Variants in MDM1 observed in about 807,000 individuals in gnomAD.
MDM1 encodes stabilizer of axonemal microtubules 6.
Under a neutral mutation model 89.1 loss-of-function variants are expected in MDM1, and 61 were observed. The ratio of observed to expected loss-of-function variants is 0.68; its 90% confidence interval spans 0.56 to 0.85. MDM1 has a LOEUF of 0.85. MDM1 is among the 40% of genes least tolerant of loss of function. The pLI is 0.00. For missense variants in MDM1, 820 were observed against 846.5 expected (o/e 0.97, Z 0.39); for synonymous variants, 290 against 294.1 (o/e 0.99, Z 0.14).
At chr12:68,312,895 C>T (rs911769501) in intron 12 of MDM1, among the ~76,000 whole-genome samples, 2 of 152,174 alleles carry the variant, frequency 1.3e-5, no homozygotes, top group East Asian at 1.9e-4. Flanking sequence ...TTCCCAGATC[C>T]GCATACAGGT....
At chr12:68,303,975 T>G (rs1592949122) in intron 12 of MDM1, among the ~76,000 whole-genome samples, 1 of 152,236 alleles carries the variant, frequency 6.6e-6, no homozygotes, top group East Asian at 1.9e-4. Flanking sequence ...CACTGGCTCA[T>G]GCCTGTAATC....
chr12:68,327,157 C>A (rs550691485), intron 2 of MDM1, 136 bp from the exon 3 acceptor site: 4 of 1,395,930 alleles, frequency 2.9e-6, no homozygotes, highest in African/African-American at 2.9e-5. Flanking sequence ...CACACAATAT[C>A]CTTCAGATTA....
intron 4 of MDM1, 27 bp from the exon 5 acceptor site, chr12:68,323,267 G>T: frequency 1.3e-6 from 2 of 1,498,972 alleles, no homozygotes; most frequent in South Asian, 1.3e-5. Flanking sequence ...TTTTAGTTTA[G>T]TTTTGTTGAT....
At chr12:68,323,620 G>A (rs1875546421) in intron 4 of MDM1, among the ~76,000 whole-genome samples, 1 of 151,790 alleles carries the variant, frequency 6.6e-6, no homozygotes, top group Non-Finnish European at 1.5e-5. Flanking sequence ...TACCCAATAT[G>A]TTCAATTTGT....
Position 68,295,201 on chromosome 12 carries a change from A to T in MDM1, c.*53T>A. 1 of 1,193,500 alleles carries T rather than the reference A, an allele frequency of 8.4e-7. No individual in the cohort carries two copies. Among genetic ancestry groups the T allele is most frequent in the Non-Finnish European group, 1.2e-6 (1 of 829,312 alleles). The allele number at this position is 1,193,500 out of a possible 1,614,324, so 73.9% of individuals were successfully genotyped here. ...CTCAAAAAATTTTAACACAGTAAGC[A>T]ATAAAGAAAAATTATGCCAATGTTT... On this transcript the variant is annotated 3_prime_UTR_variant, in exon 15 of 15. Coordinates refer to ENST00000682720, the MANE Select transcript of MDM1 (RefSeq NM_001354969.2).
intron 2 of MDM1, 103 bp from the exon 3 acceptor site, chr12:68,327,124 T>A: frequency 6.9e-7 from 1 of 1,445,840 alleles, no homozygotes; most frequent in Non-Finnish European, 9.1e-7. Context: ...TAAATTTAGT[T>A]CAGATATATG....
Position 68,315,001 on chromosome 12 carries a change from C to T in MDM1, c.1476G>A (p.Glu492=), listed in dbSNP as rs765384951. The T allele has an allele frequency of 5.0e-6, 8 of 1,614,164 alleles. No individual in the cohort carries two copies. The South Asian group carries it at 6.6e-5, about 13-fold the overall frequency. ...RKTGKQAFMG[E]QEKLDVREKS... ...TCTCACGTACATCCAACTTCTCTTG[C>T]TCTCCCATAAAAGCCTGCTTGCCCG... is the stretch of plus-strand genomic sequence containing the variant. The change falls in exon 10 of 15, where the codon GAG becomes GAA. Residue 492 remains glutamate (E), a synonymous_variant. Transcript: ENST00000682720.
intron 8 of MDM1, 49 bp from the exon 9 acceptor site, chr12:68,316,302 C>T: frequency 6.5e-7 from 1 of 1,532,472 alleles, no homozygotes; most frequent in South Asian, 1.2e-5. Context: ...TGCTTCTTTA[C>T]AAACAGCACC....
chr12:68,326,486 C>T lies in MDM1; in HGVS notation c.498+171G>A, dbSNP rs768775634. 2.0e-6 allele frequency: 3 copies of T among 1,517,764 alleles called. No homozygotes were observed. The East Asian group carries it at 7.3e-5, about 37-fold the overall frequency. 94.0% of individuals were successfully genotyped at this position (1,517,764 alleles called of 1,614,324 possible). ...AAAATAGCGAGTAGTCAGAATAGAA[C>T]TAATTCACAATAACTAAAGTCAACA... On this transcript the variant is annotated intron_variant, in intron 3 of 14. Coordinates refer to ENST00000682720, the MANE Select transcript of MDM1 (RefSeq NM_001354969.2).
rs547214780 is a variant in MDM1, at chr12:68,332,289, A to C, written c.-44T>G. On this transcript the variant is annotated 5_prime_UTR_variant, in exon 1 of 15. Transcript: ENST00000682720. ...CCCCGCTACTCCGACAGTTAACTGG[A>C]GAAAAAGCTCCGAGGGGGCGGGGCG... 1 of 1,566,810 alleles carries C rather than the reference A, an allele frequency of 6.4e-7. No individual in the cohort carries two copies. The highest frequency in any genetic ancestry group is 8.6e-7 in the Non-Finnish European group (1 of 1,157,174).
intron 2 of MDM1, 32 bp downstream of exon 2, chr12:68,331,075 G>T: frequency 7.9e-7 from 1 of 1,266,628 alleles, no homozygotes; most frequent in African/African-American, 1.5e-5. Context: ...ACTTAGCCCA[G>T]GTTAGAATGG....
chr12:68,324,697 C>T (rs1030527275), intron 4 of MDM1, among the ~76,000 whole-genome samples: 6 of 151,962 alleles, frequency 3.9e-5, no homozygotes, highest in African/African-American at 1.2e-4. Context: ...ACACGAAGAC[C>T]AGAAGAAAAA....
intron 7 of MDM1, among the ~76,000 whole-genome samples, chr12:68,319,321 G>A (rs1055887247): frequency 6.6e-6 from 1 of 152,154 alleles, no homozygotes; most frequent in Admixed American, 6.5e-5. Flanking sequence ...AGAATTTCCA[G>A]TGACTAGACT....
At chr12:68,318,367 C>G (rs2121034975) in intron 7 of MDM1, among the ~76,000 whole-genome samples, 1 of 152,230 alleles carries the variant, frequency 6.6e-6, no homozygotes, top group Admixed American at 6.5e-5. Flanking sequence ...TGTACACAGT[C>G]ATCCAGTTTT....
chr12:68,330,292 G>A (rs998624040), intron 2 of MDM1, among the ~76,000 whole-genome samples: 5 of 150,864 alleles, frequency 3.3e-5, no homozygotes, highest in African/African-American at 7.5e-5. Flanking sequence ...TATTTCTCTC[G>A]GCCAATAACG....
intron 7 of MDM1, among the ~76,000 whole-genome samples, chr12:68,320,783 TTGAGTA>T (rs1736926514): frequency 6.6e-6 from 1 of 152,198 alleles, no homozygotes; most frequent in African/African-American, 2.4e-5. Flanking sequence ...TCTCTATCCT[TTGAGTA>T]TAAGAAGCTA....
At chr12:68,326,460 C>G in intron 3 of MDM1, 197 bp downstream of exon 3, 1 of 1,476,828 alleles carries the variant, frequency 6.8e-7, no homozygotes, top group Non-Finnish European at 9.0e-7. Flanking sequence ...ACAACTACTA[C>G]AAAATAGCGA....
At position 68,326,968 on chromosome 12, in the gene MDM1, G is replaced by C; in HGVS notation, c.187C>G (p.Pro63Ala). 1 of 1,613,274 alleles carries C rather than the reference G, an allele frequency of 6.2e-7. No homozygotes were observed. Among genetic ancestry groups the C allele is most frequent in the Non-Finnish European group, 8.5e-7 (1 of 1,179,938 alleles). ...CACTCCAGAGATTTTGAAATCTGTG[G>C]GTCATGGTAAGGGACTCTTCTTTTT... ...ISKRRVPYHD[P>A]QISKSLEWNG... The change falls in exon 3 of 15, where the codon CCA becomes GCA. Residue 63 changes from proline (P) to alanine (A), a missense_variant. Physicochemically the swap from Pro to Ala is conservative, Grantham distance 27. Transcript: ENST00000682720.
At chr12:68,315,772 TTTC>T (rs1348942025) in intron 9 of MDM1, among the ~76,000 whole-genome samples, 1 of 152,242 alleles carries the variant, frequency 6.6e-6, no homozygotes, top group Non-Finnish European at 1.5e-5. Flanking sequence ...TGTTGTTGAC[TTTC>T]TTTTTACCTT....
Sources: allele counts gnomAD v4.1 joint callset (sites outside exome capture counted in the v4.1 genomes callset), GRCh38; gene constraint gnomAD v4.1.1; transcripts MANE v1.5; gene names NCBI Gene and HGNC (gene_info 2026-07-23, HGNC 2026-07-21).